The following JPH1 variants were observed in gnomAD, a reference collection of about 807,000 sequenced individuals.
The protein encoded by JPH1 is junctophilin 1, also known as junctophilin-1.
JPH1 carries 12 observed loss-of-function variants against 53.6 expected under a neutral mutation model. That is an observed-to-expected ratio of 0.22 (90% CI 0.14 to 0.36). The LOEUF is 0.36. Among genes scored for constraint, JPH1 ranks in the 10% least tolerant of loss-of-function variants. JPH1 has a pLI of 1.00. For missense variants in JPH1, 808 were observed against 905.5 expected (o/e 0.89, Z 1.38); for synonymous variants, 375 against 363.8 (o/e 1.03, Z -0.35).
rs181036786 is a variant in JPH1, at chr8:74,294,079, G to A, written c.1139+20782C>T. 6.6e-4 allele frequency among the ~76,000 whole-genome samples: 100 copies of A among 152,288 alleles called. 1 individual carries two copies. The highest frequency in any genetic ancestry group is 7.7e-4 in the East Asian group (4 of 5,184). ...TCTGGTCTGTCCTTGGGGGCTGGTGGTGGGGGAAAATCCTGCACACCTGAG... is the reference window on the plus strand; with the variant it reads ...TCTGGTCTGTCCTTGGGGGCTGGTGATGGGGGAAAATCCTGCACACCTGAG... On this transcript the variant is annotated intron_variant, in intron 2 of 5. Transcript: ENST00000342232.
chr8:74,288,659 C>T (rs1222255535), intron 2 of JPH1, among the ~76,000 whole-genome samples: 8 of 152,170 alleles, frequency 5.3e-5, no homozygotes, highest in African/African-American at 1.7e-4. Context: ...AGGTGAAACA[C>T]AGAGTTAAGC....
At chr8:74,319,016 A>T (rs1808239774) in intron 1 of JPH1, among the ~76,000 whole-genome samples, 2 of 152,110 alleles carry the variant, frequency 1.3e-5, no homozygotes, top group African/African-American at 4.8e-5. Context: ...GTAGAAGAAG[A>T]AAACCACAGT....
chr8:74,261,517 T>C (rs982506602), intron 2 of JPH1, among the ~76,000 whole-genome samples: 2 of 152,186 alleles, frequency 1.3e-5, no homozygotes, highest in African/African-American at 4.8e-5. Flanking sequence ...TCAAGAAATA[T>C]GAAATGGAAA....
chr8:74,266,820 G>C (rs993374999), intron 2 of JPH1, among the ~76,000 whole-genome samples: 1 of 152,308 alleles, frequency 6.6e-6, no homozygotes, highest in African/African-American at 2.4e-5. Flanking sequence ...GTAGCTGCAT[G>C]CAACCCAGCC....
chr8:74,316,398 C>T (rs2131467456), intron 1 of JPH1, among the ~76,000 whole-genome samples: 1 of 152,324 alleles, frequency 6.6e-6, no homozygotes, highest in South Asian at 2.1e-4. Context: ...TCCCTAGCTG[C>T]CACTGCATTG....
intron 2 of JPH1, among the ~76,000 whole-genome samples, chr8:74,306,559 C>A (rs1269816667): frequency 2.6e-5 from 4 of 151,398 alleles, no homozygotes; most frequent in Non-Finnish European, 4.4e-5. Flanking sequence ...GTATAAAGTA[C>A]AACAAAAGGA....
At chr8:74,283,292 G>T (rs753252402) in intron 2 of JPH1, among the ~76,000 whole-genome samples, 6 of 151,588 alleles carry the variant, frequency 4.0e-5, no homozygotes, top group Admixed American at 2.6e-4. Context: ...AAAAGAAAAT[G>T]GCCTGTGTGG....
chr8:74,275,685 G>A (rs1806826111), intron 2 of JPH1, among the ~76,000 whole-genome samples: 1 of 152,160 alleles, frequency 6.6e-6, no homozygotes, highest in African/African-American at 2.4e-5. Context: ...TCAAGAACCT[G>A]CCTTGGAAGC....
chr8:74,309,050 C>G (rs1044932497), intron 2 of JPH1, among the ~76,000 whole-genome samples: 3 of 152,180 alleles, frequency 2.0e-5, no homozygotes, highest in South Asian at 2.1e-4. Flanking sequence ...CCGAGCTGAA[C>G]AGGGTGCAGA....
chr8:74,257,639 G>C (rs759558379), intron 3 of JPH1, among the ~76,000 whole-genome samples: 1 of 152,136 alleles, frequency 6.6e-6, no homozygotes, highest in Non-Finnish European at 1.5e-5. Flanking sequence ...GCCAATATAC[G>C]TAGGTACCAG....
intron 3 of JPH1, among the ~76,000 whole-genome samples, chr8:74,250,844 G>A (rs968568570): frequency 7.2e-5 from 11 of 152,126 alleles, no homozygotes; most frequent in African/African-American, 2.4e-4. Flanking sequence ...CCAGACTGAC[G>A]TACAATCCTA....
intron 2 of JPH1, among the ~76,000 whole-genome samples, chr8:74,271,900 C>A (rs1586749246): frequency 6.6e-6 from 1 of 152,154 alleles, no homozygotes; most frequent in Non-Finnish European, 1.5e-5. Flanking sequence ...GCAGACAGGG[C>A]TTCTTCCAAG....
chr8:74,260,486 T>C (rs1563400568), intron 2 of JPH1, among the ~76,000 whole-genome samples: 1 of 152,222 alleles, frequency 6.6e-6, no homozygotes, highest in Non-Finnish European at 1.5e-5. Flanking sequence ...ACCTATTTCT[T>C]ATGACTTTGT....
At chr8:74,270,976 C>T (rs1352840881) in intron 2 of JPH1, among the ~76,000 whole-genome samples, 2 of 152,072 alleles carry the variant, frequency 1.3e-5, no homozygotes, top group Admixed American at 1.3e-4. Context: ...AGGGTCTGCC[C>T]TCCTGGACTC....
intron 2 of JPH1, among the ~76,000 whole-genome samples, chr8:74,311,083 A>T (rs1807981416): frequency 6.6e-6 from 1 of 152,000 alleles, no homozygotes; most frequent in Admixed American, 6.5e-5. Context: ...ATGCCACCAC[A>T]CCCGGCTAAT....
At position 74,294,402 on chromosome 8, in the gene JPH1, C is replaced by T. The variant is rs1024674923; in HGVS notation, c.1139+20459G>A. ...AGACAAGCCAAGACAAAGTCGGCCACGGTGAGGAAACAGGGCCAAAAGCAG... is the reference window on the plus strand; with the variant it reads ...AGACAAGCCAAGACAAAGTCGGCCATGGTGAGGAAACAGGGCCAAAAGCAG... On this transcript the variant is annotated intron_variant, in intron 2 of 5. Transcript: ENST00000342232. Among the ~76,000 whole-genome samples, 51 of 152,192 alleles carry T rather than the reference C, an allele frequency of 3.4e-4. 1 individual carries two copies. The highest frequency in any genetic ancestry group is 7.2e-5 in the African/African-American group (3 of 41,526).
intron 2 of JPH1, among the ~76,000 whole-genome samples, chr8:74,267,603 C>A (rs1017805147): frequency 1.3e-5 from 2 of 152,076 alleles, no homozygotes; most frequent in Non-Finnish European, 2.9e-5. Context: ...CACAAGGAGG[C>A]CACCCCAGAA....
intron 3 of JPH1, among the ~76,000 whole-genome samples, chr8:74,255,863 A>G (rs1806206967): frequency 6.6e-6 from 1 of 152,202 alleles, no homozygotes; most frequent in Non-Finnish European, 1.5e-5. Context: ...CACCAGTTAG[A>G]ATGGCGATCA....
intron 2 of JPH1, among the ~76,000 whole-genome samples, chr8:74,261,523 G>C (rs1193451655): frequency 6.6e-6 from 1 of 152,082 alleles, no homozygotes; most frequent in Admixed American, 6.5e-5. Context: ...AATATGAAAT[G>C]GAAATAACAT....
Sources: allele counts gnomAD v4.1 joint callset (sites outside exome capture counted in the v4.1 genomes callset), GRCh38; gene constraint gnomAD v4.1.1; transcripts MANE v1.5; gene names NCBI Gene and HGNC (gene_info 2026-07-23, HGNC 2026-07-21).